The following EHBP1L1 variants were observed in gnomAD, a reference collection of about 807,000 sequenced individuals.
EHBP1L1 encodes the protein EH domain-binding protein 1-like protein 1.
A neutral mutation model predicts 151.1 loss-of-function variants in EHBP1L1; 122 were observed. That is an observed-to-expected ratio of 0.81 (90% confidence interval 0.70 to 0.94). The LOEUF (loss-of-function observed/expected upper bound fraction) is 0.94. EHBP1L1 is among the 40% of genes least tolerant of loss of function. The pLI, the probability that EHBP1L1 is intolerant of heterozygous loss-of-function variation, is 0.00. For missense variants in EHBP1L1, 1,941 were observed against 1,959.8 expected (o/e 0.99, Z 0.18); for synonymous variants, 878 against 810.1 (o/e 1.08, Z -1.42).
At chr11:65,586,935 A>G (rs558756097) in intron 12 of EHBP1L1, among the ~76,000 whole-genome samples, 53 of 152,302 alleles carry the variant, frequency 3.5e-4, no homozygotes, top group Non-Finnish European at 6.6e-4. Context: ...TATCTGACCC[A>G]TAGGGCTGGA....
At chr11:65,584,921 C>T (rs577922511) in intron 11 of EHBP1L1, 38 bp from the exon 12 acceptor site, 1 of 1,528,334 alleles carries the variant, frequency 6.5e-7, no homozygotes, top group East Asian at 2.5e-5. Context: ...TGGCGCGGGC[C>T]ACCGCCGCCG....
chr11:65,584,912 GGCGCGGGCC>G, intron 11 of EHBP1L1, 38 bp from the exon 12 acceptor site: 2 of 1,525,704 alleles, frequency 1.3e-6, no homozygotes, highest in Non-Finnish European at 1.7e-6. Flanking sequence ...GTTGCCGGGT[GGCGCGGGCC>G]ACCGCCGCCG....
In EHBP1L1 at chr11:65,580,238, T is replaced by G; in HGVS notation, c.470T>G (p.Leu157Arg). 1 of 1,613,620 alleles carries G rather than the reference T, an allele frequency of 6.2e-7. No homozygotes were observed. Among genetic ancestry groups the G allele is most frequent in the East Asian group, 2.2e-5 (1 of 44,882 alleles). ...AELSLTLSGV[L>R]LREGRATDDD... is the part of the protein sequence containing the mutation. ...CTGAGCCTCACTCTTTCCGGGGTGC[T>G]GCTGCGGGAGGGCCGTGCCACGTGA... The change falls in exon 5 of 19, where the codon CTG (leucine) becomes CGG (arginine). Residue 157 changes from leucine (L) to arginine (R), a missense_variant. Leu to Arg is a moderately radical substitution (Grantham distance 102). Coordinates refer to ENST00000309295, the MANE Select transcript of EHBP1L1 (RefSeq NM_001099409.3).
intron 12 of EHBP1L1, among the ~76,000 whole-genome samples, chr11:65,588,656 C>T (rs917425772): frequency 1.3e-5 from 2 of 152,174 alleles, no homozygotes; most frequent in African/African-American, 4.8e-5. Context: ...ATGTGGGGGG[C>T]CAGGGCAGGA....
Position 65,583,516 on chromosome 11 carries a change from A to G in EHBP1L1, c.2844A>G (p.Lys948=). ...EAGVWGMSEG[K]SGAWGAQEAE... is the part of the protein sequence containing the mutation. ...GGGTTTGGGGGATGTCAGAGGGCAAATCTGGGGCTTGGGGGGCCCAGGAAG... is the reference window on the plus strand; with the variant it reads ...GGGTTTGGGGGATGTCAGAGGGCAAGTCTGGGGCTTGGGGGGCCCAGGAAG... Residue 948 remains lysine, a synonymous_variant, in exon 9 of 19, where the codon AAA becomes AAG. Transcript: ENST00000309295. The G allele has an allele frequency of 6.2e-7, 1 of 1,613,292 alleles. No homozygotes were observed. Among genetic ancestry groups the G allele is most frequent in the Non-Finnish European group, 8.5e-7 (1 of 1,179,676 alleles).
At position 65,580,457 on chromosome 11, in the gene EHBP1L1, C is replaced by T. The variant is rs1489493076; in HGVS notation, c.612C>T (p.Ala204=). 2.5e-6 allele frequency: 4 copies of T among 1,612,786 alleles called. No homozygotes were observed. In the African/African-American group the frequency reaches 4.0e-5, roughly 16 times the overall value. ...DEAHGPGAPE[A]RARVPQPDPS... is the part of the protein sequence containing the mutation. ...CTCATGGCCCAGGAGCCCCGGAGGC[C>T]CGGGCTCGAGTCCCCCAGCCAGGTG... Residue 204 remains alanine, a synonymous_variant, in exon 6 of 19, where the codon GCC becomes GCT. Transcript: ENST00000309295.
Position 65,585,403 on chromosome 11 carries a change from G to A in EHBP1L1, c.3745G>A (p.Gly1249Ser). The A allele has an allele frequency of 7.3e-7, 1 of 1,363,216 alleles. No homozygotes were observed. Among genetic ancestry groups the A allele is most frequent in the Non-Finnish European group, 9.4e-7 (1 of 1,063,686 alleles). 84.4% of individuals were successfully genotyped at this position (1,363,216 alleles called of 1,614,324 possible). ...GAACGGGGCGGGGGCACCGGGCGGC[G>A]GCGGCGTGAGGCTGCGACGGCCCTC... ...LVNGAGAPGG[G>S]GVRLRRPSVN... The change falls in exon 12 of 19, where the codon GGC (glycine) becomes AGC (serine). Residue 1249 changes from glycine to serine, a missense_variant. Physicochemically the swap from Gly to Ser is moderately conservative, Grantham distance 56. Coordinates refer to ENST00000309295, the MANE Select transcript of EHBP1L1 (RefSeq NM_001099409.3). The surrounding 1 kb of genome is among the most constrained non-coding windows in gnomAD (Gnocchi z 4.0).
At chr11:65,579,306 TAAG>T (rs1857474760) in intron 2 of EHBP1L1, 32 bp from the exon 3 acceptor site, 1 of 1,486,506 alleles carries the variant, frequency 6.7e-7, no homozygotes, top group Admixed American at 2.1e-5. Flanking sequence ...AGGGAAGAGT[TAAG>T]ATGGGGGGAG....
In EHBP1L1 at chr11:65,581,840, A is replaced by T; in HGVS notation, c.1168A>T (p.Ser390Cys). 1 of 1,613,650 alleles carries T rather than the reference A, an allele frequency of 6.2e-7. No homozygotes were observed. Among genetic ancestry groups the T allele is most frequent in the Non-Finnish European group, 8.5e-7 (1 of 1,179,794 alleles). ...EMDTEDRPEA[S>C]GVDTEPRSGG... is the part of the protein sequence containing the mutation. ...GGACACTGAGGACAGGCCAGAGGCCAGTGGGGTGGACACTGAGCCAAGGTC... is the reference window on the plus strand; with the variant it reads ...GGACACTGAGGACAGGCCAGAGGCCTGTGGGGTGGACACTGAGCCAAGGTC... The change falls in exon 9 of 19, where the codon AGT becomes TGT. Residue 390 changes from serine (S) to cysteine (C), a missense_variant. Ser to Cys is a moderately radical substitution (Grantham distance 112). Coordinates refer to ENST00000309295, the MANE Select transcript of EHBP1L1 (RefSeq NM_001099409.3).
chr11:65,579,683 T>C (rs1857499866), intron 3 of EHBP1L1, among the ~76,000 whole-genome samples: 1 of 151,202 alleles, frequency 6.6e-6, no homozygotes, highest in Non-Finnish European at 1.5e-5. Flanking sequence ...CAGGAGGAGG[T>C]AGCAACCACC....
chr11:65,583,475 C>T lies in EHBP1L1; in HGVS notation c.2803C>T (p.Gln935Ter), dbSNP rs537799343. ...GTCAGAGACTCAAGTTCTGAGAGTCCAGGAGGCAGAGGCTGGGGTTTGGGG... is the reference window on the plus strand; with the variant it reads ...GTCAGAGACTCAAGTTCTGAGAGTCTAGGAGGCAGAGGCTGGGGTTTGGGG... ...QGSETQVLRV[Q>*]EAEAGVWGMS... Residue 935 changes from glutamine to a stop codon, truncating the protein, a stop_gained, in exon 9 of 19, where the codon CAG (glutamine) becomes TAG (stop). Coordinates refer to ENST00000309295, the MANE Select transcript of EHBP1L1 (RefSeq NM_001099409.3). LOFTEE classifies it high-confidence loss of function. 20 of 1,613,444 alleles carry T rather than the reference C, an allele frequency of 1.2e-5. No homozygotes were observed. In the South Asian group the frequency reaches 2.2e-4, roughly 18 times the overall value.
At chr11:65,579,216 G>A in intron 2 of EHBP1L1, 81 bp downstream of exon 2, 1 of 1,533,030 alleles carries the variant, frequency 6.5e-7, no homozygotes, top group Non-Finnish European at 8.8e-7. Flanking sequence ...GGGGAGTGGA[G>A]TGAGGTTCAA....
rs1857753880 is a variant in EHBP1L1 at position 65,583,485 on chromosome 11, A to G, written c.2813A>G (p.Glu938Gly). ...CAAGTTCTGAGAGTCCAGGAGGCAG[A>G]GGCTGGGGTTTGGGGGATGTCAGAG... ...ETQVLRVQEA[E>G]AGVWGMSEGK... Residue 938 changes from glutamate (E) to glycine (G), a missense_variant, in exon 9 of 19, where the codon GAG becomes GGG. Coordinates refer to ENST00000309295, the MANE Select transcript of EHBP1L1 (RefSeq NM_001099409.3). 1.2e-6 allele frequency: 2 copies of G among 1,613,570 alleles called. No individual in the cohort carries two copies. The highest frequency in any genetic ancestry group is 1.7e-6 in the Non-Finnish European group (2 of 1,179,774).
chr11:65,579,198 G>A (rs767386933), intron 2 of EHBP1L1, 63 bp downstream of exon 2: 75 of 1,543,328 alleles, frequency 4.9e-5, no homozygotes, highest in Non-Finnish European at 6.3e-5. Flanking sequence ...GGCTGATGGG[G>A]GCTGATGGGG....
In EHBP1L1 at chr11:65,583,580, G is replaced by A. The variant is rs573350505; in HGVS notation, c.2908G>A (p.Gly970Ser). Residue 970 changes from glycine (G) to serine (S), a missense_variant, in exon 9 of 19, where the codon GGT becomes AGT. Gly to Ser is a moderately conservative substitution (Grantham distance 56). Coordinates refer to ENST00000309295, the MANE Select transcript of EHBP1L1 (RefSeq NM_001099409.3). ...TTTAGAGTCTCCAGAGAACAAATCT[G>A]GTACTTTTAAGGCCCAGGAAGCGGA... ...KVLESPENKS[G>S]TFKAQEAEAG... 63 of 1,607,284 alleles carry A rather than the reference G, an allele frequency of 3.9e-5. No individual in the cohort carries two copies. In the East Asian group the frequency reaches 1.4e-3, roughly 35 times the overall value.
Position 65,591,989 on chromosome 11 carries a change from G to T in EHBP1L1, c.4371G>T (p.Thr1457=). The change falls in exon 18 of 19, where the codon ACG becomes ACT. Residue 1457 remains threonine, a synonymous_variant. Transcript: ENST00000309295. ...AMLAIEDWQK[T]SAQQHREQLL... is the part of the protein sequence containing the mutation. ...TTCGACCCTCAGACTGGCAGAAAAC[G>T]TCCGCTCAGCAGCACCGAGAGCAGC... 6.2e-7 allele frequency: 1 copy of T among 1,612,122 alleles called. No individual in the cohort carries two copies.
In EHBP1L1 at chr11:65,583,536, A is replaced by T. The variant is rs143579440; in HGVS notation, c.2864A>T (p.Gln955Leu). Residue 955 changes from glutamine (Q) to leucine (L), a missense_variant, in exon 9 of 19, where the codon CAG becomes CTG. By Grantham distance (113) the Gln-to-Leu change is moderately radical. Transcript: ENST00000309295. Reference sequence around the variant, plus strand: ...GGCAAATCTGGGGCTTGGGGGGCCCAGGAAGCAGAGATGAAGGTTTTAGAG... The same window carrying T: ...GGCAAATCTGGGGCTTGGGGGGCCCTGGAAGCAGAGATGAAGGTTTTAGAG... ...SEGKSGAWGA[Q>L]EAEMKVLESP... 1 of 1,613,266 alleles carries T rather than the reference A, an allele frequency of 6.2e-7. No individual in the cohort carries two copies. Among genetic ancestry groups the T allele is most frequent in the African/African-American group, 1.3e-5 (1 of 74,998 alleles).
chr11:65,584,127 T>C, intron 9 of EHBP1L1, 114 bp from the exon 10 acceptor site: 5 of 1,505,258 alleles, frequency 3.3e-6, no homozygotes, highest in Non-Finnish European at 4.4e-6. Flanking sequence ...TGGTCTCTGG[T>C]GACCCCTGCA....
Position 65,579,426 on chromosome 11 carries a change from C to T in EHBP1L1, c.248C>T (p.Thr83Ile). The T allele has an allele frequency of 7.1e-6, 11 of 1,545,904 alleles. No individual in the cohort carries two copies. The highest frequency in any genetic ancestry group is 9.6e-6 in the Non-Finnish European group (11 of 1,143,880). Residue 83 changes from threonine to isoleucine, a missense_variant, in exon 3 of 19, where the codon ACC becomes ATC. Transcript: ENST00000309295. ...CCTGAGAATGTGGACATCTCTGTGA[C>T]CCTCTACAGGGTGAGTCTCTAGCCC... Reference protein sequence around the residue: ...MVPENVDISVTLYRDPHVDQY... With the variant: ...MVPENVDISVILYRDPHVDQY...
Sources: gnomAD v4.1 joint callset for allele counts (sites outside exome capture counted in the v4.1 genomes callset) on GRCh38, gnomAD v4.1.1 for gene constraint, Gnocchi (gnomAD v3.1) non-coding constraint, MANE v1.5 for transcripts, NCBI Gene and HGNC (gene_info 2026-07-23, HGNC 2026-07-21) for gene names.